LRRC4C: variants seen among roughly 807,000 people sequenced by gnomAD.
The protein encoded by LRRC4C is leucine rich repeat containing 4C, also known as leucine-rich repeat-containing protein 4C.
Under a neutral mutation model 33.6 loss-of-function variants are expected in LRRC4C, and 5 were observed. The ratio of observed to expected loss-of-function variants is 0.15; its 90% CI spans 0.08 to 0.31. LRRC4C has a LOEUF of 0.31. Among genes scored for constraint, LRRC4C ranks in the 10% least tolerant of loss-of-function variants. The probability of loss-of-function intolerance (pLI) is 1.00; values close to 1 mark genes in which losing one functional copy is unlikely to be tolerated. For synonymous variants in LRRC4C, 329 were observed against 302.0 expected, an observed-to-expected ratio of 1.09 and a Z score of -0.93; for missense variants, 560 against 796.7, an observed-to-expected ratio of 0.70 and a Z score of 3.58.
intron 3 of LRRC4C, among the ~76,000 whole-genome samples, chr11:40,628,025 T>C (rs2135994763): frequency 6.6e-6 from 1 of 152,310 alleles, no homozygotes; most frequent in African/African-American, 2.4e-5. Context: ...CTAAGGGACA[T>C]AATGTCACTT....
intron 3 of LRRC4C, among the ~76,000 whole-genome samples, chr11:40,402,347 T>A (rs1222269828): frequency 6.6e-6 from 1 of 152,126 alleles, no homozygotes. Flanking sequence ...TTTGTTGTTT[T>A]CAAAATGATT....
intron 1 of LRRC4C, among the ~76,000 whole-genome samples, chr11:41,028,774 GTTT>G (rs534133378): frequency 6.7e-6 from 1 of 150,128 alleles, no homozygotes; most frequent in Admixed American, 6.7e-5. Flanking sequence ...TGCTTGGAAT[GTTT>G]TTTTTTCTTT....
intron 2 of LRRC4C, among the ~76,000 whole-genome samples, chr11:40,731,385 T>C (rs1361254846): frequency 6.6e-6 from 1 of 152,108 alleles, no homozygotes; most frequent in African/African-American, 2.4e-5. Context: ...GCTCCTGCTC[T>C]GGCCATGTGA....
chr11:40,613,908 C>G (rs1018413222), intron 3 of LRRC4C, among the ~76,000 whole-genome samples: 1 of 151,784 alleles, frequency 6.6e-6, no homozygotes, highest in African/African-American at 2.4e-5. Flanking sequence ...ATCAGTAGGT[C>G]TCAACAGTGA....
chr11:40,452,514 T>C (rs1951935548), intron 3 of LRRC4C, among the ~76,000 whole-genome samples: 1 of 152,066 alleles, frequency 6.6e-6, no homozygotes, highest in Admixed American at 6.5e-5. Context: ...TGGTGATCAT[T>C]AAAAAGTCAG....
intron 1 of LRRC4C, among the ~76,000 whole-genome samples, chr11:41,250,046 G>A (rs1447958965): frequency 6.6e-6 from 1 of 152,034 alleles, no homozygotes; most frequent in Non-Finnish European, 1.5e-5. Flanking sequence ...GGCAGCGCCT[G>A]TAATCCCAGC....
intron 3 of LRRC4C, among the ~76,000 whole-genome samples, chr11:40,404,427 C>T (rs1294112655): frequency 1.3e-5 from 2 of 152,104 alleles, no homozygotes; most frequent in Non-Finnish European, 2.9e-5. Context: ...ATGGCACCAC[C>T]CACCCAGTTG....
chr11:41,181,718 G>A (rs1187315624), intron 1 of LRRC4C, among the ~76,000 whole-genome samples: 3 of 152,136 alleles, frequency 2.0e-5, no homozygotes, highest in South Asian at 4.1e-4. Flanking sequence ...ATGAGCTACA[G>A]CAATCTCATC....
chr11:41,335,949 T>C (rs1951438465), intron 1 of LRRC4C, among the ~76,000 whole-genome samples: 1 of 152,176 alleles, frequency 6.6e-6, no homozygotes, highest in African/African-American at 2.4e-5. Flanking sequence ...ACTTTAACGA[T>C]TGAAATGAAT....
chr11:40,128,109 T>A (rs1402850802), intron 6 of LRRC4C, among the ~76,000 whole-genome samples: 1 of 152,206 alleles, frequency 6.6e-6, no homozygotes, highest in African/African-American at 2.4e-5. Context: ...CTGTTTGATC[T>A]TTGGTAAATT....
intron 4 of LRRC4C, among the ~76,000 whole-genome samples, chr11:40,285,189 A>C (rs895066091): frequency 2.0e-5 from 3 of 152,168 alleles, no homozygotes; most frequent in Non-Finnish European, 4.4e-5. Flanking sequence ...TCTCTCAAAA[A>C]ACCCCCAGCT....
At chr11:40,176,123 G>A (rs1860463435) in intron 5 of LRRC4C, among the ~76,000 whole-genome samples, 1 of 152,112 alleles carries the variant, frequency 6.6e-6, no homozygotes, top group Non-Finnish European at 1.5e-5. Flanking sequence ...ATATTCTCTG[G>A]TGGAGGAGGA....
rs866354879 is a variant in LRRC4C, at chr11:41,154,480, C to T, written c.-495-220757G>A. 2.0e-5 allele frequency among the ~76,000 whole-genome samples: 3 copies of T among 152,020 alleles called. No homozygotes were observed. In the South Asian group the frequency reaches 6.2e-4, roughly 32 times the overall value. On this transcript the variant is annotated intron_variant, in intron 1 of 6. Coordinates refer to ENST00000528697, the MANE Select transcript of LRRC4C (RefSeq NM_001258419.2). ...ATTTCTCTTTTCCTAAGACATTGCACAGTATCCAGTTATGAGTATGTACTC... is the reference window on the plus strand; with the variant it reads ...ATTTCTCTTTTCCTAAGACATTGCATAGTATCCAGTTATGAGTATGTACTC...
intron 3 of LRRC4C, among the ~76,000 whole-genome samples, chr11:40,645,382 T>G (rs1487630282): frequency 6.6e-6 from 1 of 152,066 alleles, no homozygotes; most frequent in Non-Finnish European, 1.5e-5. Flanking sequence ...AAGTCCACCC[T>G]CCTCTTGCTT....
chr11:41,019,775 T>C (rs1171002021), intron 1 of LRRC4C, among the ~76,000 whole-genome samples: 1 of 152,220 alleles, frequency 6.6e-6, no homozygotes, highest in Non-Finnish European at 1.5e-5. Context: ...TAATCAGTGA[T>C]GCTGAGCTTT....
intron 5 of LRRC4C, among the ~76,000 whole-genome samples, chr11:40,231,477 G>T (rs925096411): frequency 1.8e-3 from 201 of 112,678 alleles, no homozygotes; most frequent in African/African-American, 5.3e-3. Flanking sequence ...TAATAAACTA[G>T]TCAATATGCA....
At chr11:40,986,610 GGGAGAGAAA>G (rs1452237020) in intron 1 of LRRC4C, among the ~76,000 whole-genome samples, 1 of 151,768 alleles carries the variant, frequency 6.6e-6, no homozygotes. Flanking sequence ...GAGAGAGAGA[GGGAGAGAAA>G]GGACTGGGAC....
rs534278179 is a variant in LRRC4C at position 40,898,902 on chromosome 11, C to A, written c.-407+34733G>T. ...ACTGATACACAAAGCTACTTGGTAT[C>A]TGCAGAAGATTCCCGAAAGAACTAG... On this transcript the variant is annotated intron_variant, in intron 2 of 6. Coordinates refer to ENST00000528697, the MANE Select transcript of LRRC4C (RefSeq NM_001258419.2). 2.0e-3 allele frequency among the ~76,000 whole-genome samples: 308 copies of A among 152,270 alleles called. 1 individual carries two copies. The South Asian group carries it at 0.028, about 14-fold the overall frequency.
chr11:40,118,938 G>GA (rs1179267822), intron 6 of LRRC4C, among the ~76,000 whole-genome samples: 1 of 152,154 alleles, frequency 6.6e-6, no homozygotes, highest in Non-Finnish European at 1.5e-5. Context: ...GAGCAATTAG[G>GA]AAGACCTTCC....
Sources: gnomAD v4.1 joint callset for allele counts (sites outside exome capture counted in the v4.1 genomes callset) on GRCh38, gnomAD v4.1.1 for gene constraint, MANE v1.5 for transcripts, NCBI Gene and HGNC (gene_info 2026-07-23, HGNC 2026-07-21) for gene names.